The following PCDH19 variants were observed in gnomAD, a reference collection of about 807,000 sequenced individuals.
PCDH19 encodes protocadherin-19.
Under a neutral mutation model 46.2 loss-of-function variants are expected in PCDH19, and 6 were observed. The observed-to-expected ratio is 0.13, with a 90% CI of 0.07 to 0.26. The LOEUF is 0.26. Ranked by LOEUF, PCDH19 falls within the 10% of genes least tolerant of loss-of-function variation. The pLI is 1.00. For missense variants in PCDH19, 740 were observed against 972.3 expected, an observed-to-expected ratio of 0.76 and a Z score of 3.18; for synonymous variants, 481 against 415.7, an observed-to-expected ratio of 1.16 and a Z score of -1.91.
chrX:100,397,813 T>C (rs765008374), intron 3 of PCDH19, among the ~76,000 whole-genome samples: 2 of 112,251 alleles, frequency 1.8e-5, no homozygotes, highest in East Asian at 2.8e-4. Context: ...GAGACACCAG[T>C]AGGCATGTCT....
At chrX:100,299,775 A>ACC (rs1924721785) in intron 5 of PCDH19, among the ~76,000 whole-genome samples, 1 of 112,179 alleles carries the variant, frequency 8.9e-6, no homozygotes, top group Admixed American at 9.4e-5. Flanking sequence ...CACTGAGCCT[A>ACC]CCTCAGCTCC....
At chrX:100,316,550 CATGTTCCTCTT>C (rs1925313295) in intron 5 of PCDH19, among the ~76,000 whole-genome samples, 1 of 111,913 alleles carries the variant, frequency 8.9e-6, no homozygotes, top group African/African-American at 3.2e-5. Flanking sequence ...TACGTATGCC[CATGTTCCTCTT>C]TAGAGAGACA....
chrX:100,376,235 C>CA (rs1171817638), intron 3 of PCDH19, among the ~76,000 whole-genome samples: 612 of 32,649 alleles, frequency 0.019, 6 homozygotes, highest in East Asian at 0.025. Flanking sequence ...AACTCCGTCT[C>CA]AAAAAAAAAA....
intron 5 of PCDH19, among the ~76,000 whole-genome samples, chrX:100,306,681 G>A (rs1924956015): frequency 9.1e-6 from 1 of 109,653 alleles, no homozygotes; most frequent in Non-Finnish European, 1.9e-5. Flanking sequence ...ACCAAGAAAA[G>A]AAGAGAGAAG....
At chrX:100,363,886 T>TGTGTGTGTGTGA (rs1207488480) in intron 3 of PCDH19, among the ~76,000 whole-genome samples, 1,227 of 97,990 alleles carry the variant, frequency 0.013, 20 homozygotes, top group African/African-American at 0.016. Context: ...TGTGTGTGTG[T>TGTGTGTGTGTGA]GAGAGAGAGG....
Position 100,403,557 on chromosome X carries a change from T to G in PCDH19, c.2255A>C (p.Lys752Thr), listed in dbSNP as rs1452944576. ...VSPISEEQDK[K>T]TEEKVSLRGK... Reference sequence around the variant, plus strand: ...CCTTAGGCTCACTTTCTCCTCTGTCTTTTTGTCTTGCTCCTCGCTAATGGG... The same window carrying G: ...CCTTAGGCTCACTTTCTCCTCTGTCGTTTTGTCTTGCTCCTCGCTAATGGG... The change falls in exon 2 of 6, where the codon AAG becomes ACG. Residue 752 changes from lysine (K) to threonine (T), a missense_variant. By Grantham distance (78) the Lys-to-Thr change is moderately conservative (BLOSUM62 -1). Coordinates refer to ENST00000373034, the MANE Select transcript of PCDH19 (RefSeq NM_001184880.2). The G allele has an allele frequency of 1.7e-6, 2 of 1,210,297 alleles. No homozygotes were observed. The highest frequency in any genetic ancestry group is 3.5e-5 in the South Asian group (2 of 56,898).
chrX:100,380,058 A>AT (rs1927508120), intron 3 of PCDH19, among the ~76,000 whole-genome samples: 1 of 112,084 alleles, frequency 8.9e-6, no homozygotes. Flanking sequence ...AATGAATTTG[A>AT]TTTTTTCAGA....
intron 3 of PCDH19, among the ~76,000 whole-genome samples, chrX:100,389,022 T>C (rs1927792010): frequency 9.0e-6 from 1 of 111,524 alleles, no homozygotes; most frequent in Non-Finnish European, 1.9e-5. Flanking sequence ...CCCATTTGTG[T>C]TCATTTTACA....
At chrX:100,348,032 C>T (rs1189700988) in intron 4 of PCDH19, among the ~76,000 whole-genome samples, 2 of 92,331 alleles carry the variant, frequency 2.2e-5, no homozygotes, top group African/African-American at 8.2e-5. Flanking sequence ...CACCACTGCA[C>T]TCCAGCCTAG....
At chrX:100,372,221 G>A (rs1283959592) in intron 3 of PCDH19, among the ~76,000 whole-genome samples, 1 of 111,715 alleles carries the variant, frequency 9.0e-6, no homozygotes, top group Non-Finnish European at 1.9e-5. Context: ...GGGTGACAGA[G>A]CAAGACTCCA....
chrX:100,327,039 C>T (rs767248662), intron 5 of PCDH19, among the ~76,000 whole-genome samples: 1 of 111,853 alleles, frequency 8.9e-6, no homozygotes, highest in Admixed American at 9.5e-5. Context: ...ATTTTCTCTC[C>T]CCATGGACTG....
intron 5 of PCDH19, among the ~76,000 whole-genome samples, chrX:100,309,154 G>GCACA (rs55663829): frequency 1.0e-3 from 82 of 81,742 alleles, no homozygotes; most frequent in South Asian, 3.6e-3. Context: ...TGTGATGCAT[G>GCACA]CACACACACA....
chrX:100,324,056 T>C (rs180940737), intron 5 of PCDH19, among the ~76,000 whole-genome samples: 4 of 111,911 alleles, frequency 3.6e-5, no homozygotes, highest in African/African-American at 6.5e-5. Flanking sequence ...ACAAACCAAC[T>C]GTGAGAGGTG....
intron 5 of PCDH19, among the ~76,000 whole-genome samples, chrX:100,297,176 G>T (rs946315219): frequency 9.0e-6 from 1 of 111,550 alleles, no homozygotes; most frequent in South Asian, 3.8e-4. Context: ...TCAAGGTGCT[G>T]AGAGTCAGCA....
At chrX:100,359,608 T>C (rs1011275817) in intron 3 of PCDH19, among the ~76,000 whole-genome samples, 1 of 111,569 alleles carries the variant, frequency 9.0e-6, no homozygotes, top group African/African-American at 3.3e-5. Context: ...CACAAGAGGG[T>C]TGGGCATTGT....
chrX:100,305,858 GA>G (rs1924930939), intron 5 of PCDH19, among the ~76,000 whole-genome samples: 1 of 111,673 alleles, frequency 9.0e-6, no homozygotes, highest in Non-Finnish European at 1.9e-5. Context: ...AGTCCAATAG[GA>G]AAATATCACA....
chrX:100,303,873 G>A (rs1390038025), intron 5 of PCDH19, among the ~76,000 whole-genome samples: 2 of 112,266 alleles, frequency 1.8e-5, no homozygotes, highest in East Asian at 5.6e-4. Context: ...AGGCAGAAGG[G>A]AAAGGATGCC....
At chrX:100,392,112 C>T (rs1275614540) in intron 3 of PCDH19, among the ~76,000 whole-genome samples, 3 of 112,100 alleles carry the variant, frequency 2.7e-5, no homozygotes, top group East Asian at 2.8e-4. Flanking sequence ...GACCAAGCCC[C>T]GGATGTCATT....
Position 100,402,821 on chromosome X carries a change from C to A in PCDH19, c.2319G>T (p.Lys773Asn), listed in dbSNP as rs765066118. The change falls in exon 3 of 6, where the codon AAG (lysine) becomes AAT (asparagine). Residue 773 changes from lysine (K) to asparagine (N), a missense_variant. By Grantham distance (94) the Lys-to-Asn change is moderately conservative. This residue lies in a region of PCDH19 where 416 missense variants were observed against 476.8 expected (regional missense o/e 0.87). Transcript: ENST00000373034. ...TGATTTTTTTCTTCTTGCTTGATTT[C>A]TTTTGATGCCCATAGGAGTACTCAG... ...RIAEYSYGHQ[K>N]KSSKKKKISK... 49 of 1,208,263 alleles carry A rather than the reference C, an allele frequency of 4.1e-5. No homozygotes were observed. In the South Asian group the frequency reaches 6.9e-4, roughly 17 times the overall value.
Sources: gnomAD v4.1 joint callset for allele counts (sites outside exome capture counted in the v4.1 genomes callset) on GRCh38, gnomAD v4.1.1 for gene constraint, gnomAD v4.1.1 regional missense constraint, MANE v1.5 for transcripts, NCBI Gene and HGNC (gene_info 2026-07-23, HGNC 2026-07-21) for gene names.